Variants in ASH1L observed in about 807,000 individuals in gnomAD.
ASH1L encodes ASH1 like histone lysine methyltransferase.
Under a neutral mutation model 269.0 loss-of-function variants are expected in ASH1L, and 23 were observed. The observed-to-expected ratio is 0.09, with a 90% CI of 0.06 to 0.12. The LOEUF is 0.12. Ranked by LOEUF, ASH1L falls within the 10% of genes least tolerant of loss-of-function variation. ASH1L has a pLI of 1.00. For synonymous variants in ASH1L, 1,187 were observed against 1,253.5 expected (o/e 0.95, Z 1.12); for missense variants, 2,912 against 3,567.8 (o/e 0.82, Z 4.68).
intron 10 of ASH1L, among the ~76,000 whole-genome samples, chr1:155,376,908 T>C (rs907336096): frequency 6.6e-6 from 1 of 151,314 alleles, no homozygotes; most frequent in African/African-American, 2.4e-5. Flanking sequence ...AACTCATAAT[T>C]CTTTTTTTTT....
intron 7 of ASH1L, among the ~76,000 whole-genome samples, chr1:155,380,644 T>G (rs1656852603): frequency 6.6e-6 from 1 of 152,018 alleles, no homozygotes; most frequent in South Asian, 2.1e-4. Flanking sequence ...TTCTTTTTTT[T>G]TTTGAGATGA....
At chr1:155,548,460 T>C (rs1571132849) in intron 1 of ASH1L, among the ~76,000 whole-genome samples, 1 of 151,828 alleles carries the variant, frequency 6.6e-6, no homozygotes, top group African/African-American at 2.4e-5. Flanking sequence ...GAGGTGGGGG[T>C]TGCAGTGAAC....
intron 1 of ASH1L, among the ~76,000 whole-genome samples, chr1:155,535,026 T>G (rs1669954090): frequency 6.6e-6 from 1 of 151,990 alleles, no homozygotes; most frequent in Admixed American, 6.6e-5. Context: ...TTTTCTCTAC[T>G]AAAAATACAA....
intron 2 of ASH1L, among the ~76,000 whole-genome samples, chr1:155,503,857 TG>T (rs1266703350): frequency 1.3e-5 from 2 of 152,214 alleles, no homozygotes; most frequent in Non-Finnish European, 2.9e-5. Flanking sequence ...CCTGAGTAGC[TG>T]GGACAACAGG....
chr1:155,460,055 G>A (rs1664174896), intron 3 of ASH1L, among the ~76,000 whole-genome samples, 157 bp from the exon 4 acceptor site: 1 of 152,168 alleles, frequency 6.6e-6, no homozygotes, highest in African/African-American at 2.4e-5. Flanking sequence ...AAAATAAGCA[G>A]AGGACAAATC....
chr1:155,469,759 T>C (rs1371114085), intron 3 of ASH1L, among the ~76,000 whole-genome samples: 1 of 152,194 alleles, frequency 6.6e-6, no homozygotes, highest in Non-Finnish European at 1.5e-5. Context: ...TCATAATATT[T>C]TGTGGGAGCA....
chr1:155,351,506 T>C (rs1338672480), intron 17 of ASH1L, among the ~76,000 whole-genome samples: 1 of 151,088 alleles, frequency 6.6e-6, no homozygotes, highest in African/African-American at 2.4e-5. Context: ...TGAGCCAAGA[T>C]TGCACCACTG....
At chr1:155,518,157 C>A (rs1048936840) in intron 2 of ASH1L, among the ~76,000 whole-genome samples, 2 of 152,194 alleles carry the variant, frequency 1.3e-5, no homozygotes, top group African/African-American at 4.8e-5. Context: ...ATACTCTCTT[C>A]AAGAAACGAT....
At position 155,438,520 on chromosome 1, in the gene ASH1L, T is replaced by C. The variant is rs765726365; in HGVS notation, c.5635A>G (p.Arg1879Gly). ...AAQFVNPELNRDEEGAALHLS... is the reference protein window; with the variant it reads ...AAQFVNPELNGDEEGAALHLS... ...TGCAGTGCTGCTCCTTCCTCGTCTC[T>C]GTTCAATTCTGGGTTGACAAACTGA... The change falls in exon 5 of 28, where the codon AGA becomes GGA. Residue 1879 changes from arginine (R) to glycine (G), a missense_variant. This residue lies in a region of ASH1L where 789 missense variants were observed against 897.6 expected (regional missense o/e 0.88). Coordinates refer to ENST00000392403, the MANE Select transcript of ASH1L (RefSeq NM_018489.3). 2 of 1,613,274 alleles carry C rather than the reference T, an allele frequency of 1.2e-6. No homozygotes were observed. The highest frequency in any genetic ancestry group is 1.7e-4 in the Middle Eastern group (1 of 6,054).
intron 6 of ASH1L, among the ~76,000 whole-genome samples, chr1:155,406,203 C>CA (rs964056210): frequency 0.025 from 1,298 of 51,024 alleles, 21 homozygotes; most frequent in East Asian, 0.11. Flanking sequence ...GACTCTGTCT[C>CA]AAAAAAAAAA....
At chr1:155,549,763 G>A (rs1438825017) in intron 1 of ASH1L, among the ~76,000 whole-genome samples, 5 of 151,944 alleles carry the variant, frequency 3.3e-5, no homozygotes, top group Middle Eastern at 3.2e-3. Context: ...CACAGATACC[G>A]AGGGATGACT....
intron 5 of ASH1L, among the ~76,000 whole-genome samples, chr1:155,437,782 A>C (rs1301400623): frequency 6.6e-6 from 1 of 152,184 alleles, no homozygotes; most frequent in African/African-American, 2.4e-5. Context: ...AAAATACATA[A>C]TCTTTCTGGG....
chr1:155,347,599 G>C (rs1180512343), intron 20 of ASH1L, 57 bp downstream of exon 20: 8 of 1,601,116 alleles, frequency 5.0e-6, no homozygotes, highest in Non-Finnish European at 6.0e-6. Flanking sequence ...CTTCTTCTTT[G>C]AATATGGTCA....
chr1:155,479,157 G>C lies in ASH1L; in HGVS notation c.3713C>G (p.Ser1238Cys). ...TTCTTTAAGACTGCTTAGCACTGTA[G>C]AGGTTTCAGGGGGAATCAGAGAAAC... is the stretch of plus-strand genomic sequence containing the variant. ...EHVSLIPPET[S>C]TVLSSLKEKH... Residue 1238 changes from serine to cysteine, a missense_variant, in exon 3 of 28, where the codon TCT becomes TGT. Coordinates refer to ENST00000392403, the MANE Select transcript of ASH1L (RefSeq NM_018489.3). 1 of 1,614,146 alleles carries C rather than the reference G, an allele frequency of 6.2e-7. No individual in the cohort carries two copies. Among genetic ancestry groups the C allele is most frequent in the East Asian group, 2.2e-5 (1 of 44,886 alleles).
intron 17 of ASH1L, among the ~76,000 whole-genome samples, chr1:155,352,131 ATACT>A (rs1653980914): frequency 6.6e-6 from 1 of 151,972 alleles, no homozygotes. Flanking sequence ...CATGGTAGAC[ATACT>A]TACTGCAGTT....
chr1:155,553,223 A>G (rs185916763), intron 1 of ASH1L, among the ~76,000 whole-genome samples: 1 of 152,314 alleles, frequency 6.6e-6, no homozygotes, highest in Non-Finnish European at 1.5e-5. Context: ...ACATTTTTAG[A>G]TCTGGCTAGA....
chr1:155,481,538 G>C lies in ASH1L; in HGVS notation c.1332C>G (p.Ile444Met). 1 of 1,614,088 alleles carries C rather than the reference G, an allele frequency of 6.2e-7. No homozygotes were observed. The highest frequency in any genetic ancestry group is 8.5e-7 in the Non-Finnish European group (1 of 1,180,008). ...AAAGTTCCTGACTTTCCTGATTATT[G>C]ATGTTTGTACTACAAGAAGCCTTAA... The part of the protein sequence containing the change: ...EPLKASCSTN[I>M]NNQESQELSE... Residue 444 changes from isoleucine (I) to methionine (M), a missense_variant, in exon 3 of 28, where the codon ATC (isoleucine) becomes ATG (methionine). Transcript: ENST00000392403.
intron 10 of ASH1L, among the ~76,000 whole-genome samples, chr1:155,375,667 G>GT (rs1480141471): frequency 6.6e-6 from 1 of 152,070 alleles, no homozygotes; most frequent in East Asian, 1.9e-4. Flanking sequence ...GCAGGTGCCT[G>GT]TAAATCCCAG....
intron 1 of ASH1L, among the ~76,000 whole-genome samples, chr1:155,533,898 T>C (rs1169236932): frequency 6.6e-6 from 1 of 152,116 alleles, no homozygotes; most frequent in African/African-American, 2.4e-5. Context: ...CTTAATCTAT[T>C]CCTTCATTCA....
Sources: allele counts gnomAD v4.1 joint callset (sites outside exome capture counted in the v4.1 genomes callset), GRCh38; gene constraint gnomAD v4.1.1; regional missense constraint gnomAD v4.1.1; transcripts MANE v1.5; gene names NCBI Gene and HGNC (gene_info 2026-07-23, HGNC 2026-07-21).